CFAP36: variants seen among roughly 807,000 people sequenced by gnomAD.
The protein encoded by CFAP36 is cilia- and flagella-associated protein 36.
CFAP36 carries 37 observed loss-of-function variants against 50.5 expected under a neutral mutation model. The ratio of observed to expected loss-of-function variants is 0.73; its 90% CI spans 0.56 to 0.96. CFAP36 has a LOEUF of 0.96. Ranked by LOEUF, CFAP36 falls within the 50% of genes least tolerant of loss-of-function variation. The pLI, the probability that CFAP36 is intolerant of heterozygous loss-of-function variation, is 0.00. For missense variants in CFAP36, 407 were observed against 396.2 expected (o/e 1.03, Z -0.23); for synonymous variants, 138 against 128.2 (o/e 1.08, Z -0.52).
chr2:55,525,712 C>A (rs560729240), intron 3 of CFAP36, among the ~76,000 whole-genome samples: 2 of 152,118 alleles, frequency 1.3e-5, no homozygotes, highest in African/African-American at 4.8e-5. Flanking sequence ...CTCACTGCAA[C>A]CTCCGTCTCC....
intron 4 of CFAP36, among the ~76,000 whole-genome samples, chr2:55,531,793 A>T (rs141138561): frequency 6.6e-6 from 1 of 152,316 alleles, no homozygotes; most frequent in African/African-American, 2.4e-5. Context: ...AAGGGGAATG[A>T]GACCATTATG....
intron 9 of CFAP36, 78 bp downstream of exon 9, chr2:55,544,447 C>T (rs758876435): frequency 3.0e-4 from 435 of 1,465,720 alleles, no homozygotes; most frequent in Non-Finnish European, 3.8e-4. Flanking sequence ...GCAAGAAAGC[C>T]TCTAATAAAT....
chr2:55,543,749 G>C (rs1008418086), intron 7 of CFAP36, among the ~76,000 whole-genome samples, 189 bp from the exon 8 acceptor site: 1 of 152,150 alleles, frequency 6.6e-6, no homozygotes, highest in Non-Finnish European at 1.5e-5. Context: ...AGCTCCTTAA[G>C]GATAGAGACA....
chr2:55,537,621 A>G (rs1684525792), intron 7 of CFAP36, 36 bp downstream of exon 7: 1 of 392,314 alleles, frequency 2.5e-6, no homozygotes, highest in African/African-American at 3.1e-5. Flanking sequence ...CTCTAATAAT[A>G]TGAATACATA....
intron 3 of CFAP36, among the ~76,000 whole-genome samples, chr2:55,525,340 G>A (rs926119885): frequency 6.6e-6 from 1 of 152,004 alleles, no homozygotes; most frequent in Non-Finnish European, 1.5e-5. Flanking sequence ...TCTCCCCAGA[G>A]TACCTACTCA....
chr2:55,526,728 C>A (rs1366664078), intron 3 of CFAP36, among the ~76,000 whole-genome samples: 1 of 152,086 alleles, frequency 6.6e-6, no homozygotes, highest in Non-Finnish European at 1.5e-5. Flanking sequence ...CAGGTGTGAG[C>A]CACTACATTT....
intron 3 of CFAP36, among the ~76,000 whole-genome samples, chr2:55,527,381 G>A (rs532112486): frequency 3.3e-5 from 5 of 151,974 alleles, no homozygotes; most frequent in South Asian, 4.2e-4. Flanking sequence ...TCAGGAGTTC[G>A]AGACCAGCCT....
At chr2:55,531,297 G>C (rs1360933560) in intron 4 of CFAP36, 3 of 152,108 alleles carry the variant, frequency 2.0e-5, no homozygotes, top group African/African-American at 7.2e-5. Context: ...AATTTTTTTA[G>C]GGGATCAGGA....
At chr2:55,544,838 C>A in intron 9 of CFAP36, 69 bp from the exon 10 acceptor site, 4 of 975,142 alleles carry the variant, frequency 4.1e-6, no homozygotes, top group Admixed American at 2.7e-5. Context: ...TCATTTGAGG[C>A]AGTATGTTGG....
rs962944203 is a variant in CFAP36, at chr2:55,544,125, G to T, written c.777+51G>T. ...CTATAAGCAAAATGACAAGGTACTGGGAAATCAAACTTCGAATTGAATCAC... is the reference window on the plus strand; with the variant it reads ...CTATAAGCAAAATGACAAGGTACTGTGAAATCAAACTTCGAATTGAATCAC... On this transcript the variant is annotated intron_variant, in intron 8 of 9. Transcript: ENST00000349456. 3.7e-6 allele frequency: 6 copies of T among 1,609,560 alleles called. No individual in the cohort carries two copies. The African/African-American group carries it at 8.1e-5, about 22-fold the overall frequency.
At chr2:55,528,650 C>T (rs1684272733) in intron 3 of CFAP36, among the ~76,000 whole-genome samples, 1 of 152,154 alleles carries the variant, frequency 6.6e-6, no homozygotes. Context: ...CCTGCCTCAG[C>T]CGCCCAAAGT....
intron 5 of CFAP36, among the ~76,000 whole-genome samples, chr2:55,535,352 GA>G (rs769735355): frequency 3.9e-5 from 6 of 152,204 alleles, no homozygotes; most frequent in Admixed American, 2.6e-4. Flanking sequence ...CTCTTATCAA[GA>G]GGGGTGTAAT....
At position 55,537,479 on chromosome 2, in the gene CFAP36, G is replaced by C; in HGVS notation, c.538-4G>C. ...TTAAAAAATTGTATTATGGAATCCT[G>C]AAGTTATCAGAGGCTAAAACAGAAG... On this transcript the variant is annotated splice_region_variant and splice_polypyrimidine_tract_variant and intron_variant, in intron 6 of 9. Transcript: ENST00000349456. The C allele has an allele frequency of 6.3e-7, 1 of 1,594,796 alleles. No individual in the cohort carries two copies. The highest frequency in any genetic ancestry group is 2.2e-5 in the East Asian group (1 of 44,588).
At chr2:55,527,156 A>T in intron 3 of CFAP36, among the ~76,000 whole-genome samples, 1 of 152,240 alleles carries the variant, frequency 6.6e-6, no homozygotes, top group East Asian at 1.9e-4. Context: ...AAAGCAACAA[A>T]ATGTGTGAGG....
chr2:55,529,878 C>T (rs1016596269), intron 4 of CFAP36, among the ~76,000 whole-genome samples: 2 of 152,072 alleles, frequency 1.3e-5, no homozygotes, highest in Non-Finnish European at 2.9e-5. Flanking sequence ...GATCTCCTGA[C>T]CTCGTGATCC....
chr2:55,535,905 TATATC>T (rs1304793933), intron 6 of CFAP36, 142 bp downstream of exon 6: 4 of 1,380,510 alleles, frequency 2.9e-6, no homozygotes, highest in Non-Finnish European at 3.8e-6. Flanking sequence ...ATAATATTAA[TATATC>T]AATAATTCTA....
chr2:55,522,204 G>A (rs1342409630), intron 2 of CFAP36, 38 bp downstream of exon 2: 4 of 1,015,250 alleles, frequency 3.9e-6, no homozygotes, highest in Non-Finnish European at 4.4e-6. Flanking sequence ...AAAGTAATTA[G>A]GCTAATACTA....
intron 4 of CFAP36, among the ~76,000 whole-genome samples, chr2:55,532,621 C>T (rs948961037): frequency 6.6e-6 from 1 of 152,134 alleles, no homozygotes; most frequent in African/African-American, 2.4e-5. Flanking sequence ...CTTGGGGAAG[C>T]TGGGTAAAGA....
Position 55,527,273 on chromosome 2 carries a change from G to A in CFAP36, c.283-1605G>A, listed in dbSNP as rs565601632. Among the ~76,000 whole-genome samples the A allele has an allele frequency of 6.6e-5, 10 of 152,226 alleles. No individual in the cohort carries two copies. The South Asian group carries it at 1.9e-3, about 28-fold the overall frequency. On this transcript the variant is annotated intron_variant, in intron 3 of 9. Coordinates refer to ENST00000349456, the MANE Select transcript of CFAP36 (RefSeq NM_080667.7). ...ATCCAGTAGTTAGAAAATCAGTAAA[G>A]ACATAGTTGAACTAAACAGCACCTT...
Sources: gnomAD v4.1 joint callset for allele counts (sites outside exome capture counted in the v4.1 genomes callset) on GRCh38, gnomAD v4.1.1 for gene constraint, MANE v1.5 for transcripts, NCBI Gene and HGNC (gene_info 2026-07-23, HGNC 2026-07-21) for gene names.